The following SRD5A2 variants were observed in gnomAD, a reference collection of about 807,000 sequenced individuals.
SRD5A2 encodes steroid 5 alpha-reductase 2.
A neutral mutation model predicts 27.4 loss-of-function variants in SRD5A2; 30 were observed. That is an observed-to-expected ratio of 1.10 (90% CI 0.82 to 1.49). The LOEUF is 1.49. SRD5A2 is among the 40% of genes most tolerant of loss of function. The probability of loss-of-function intolerance (pLI) is 0.00; values close to 1 mark genes in which losing one functional copy is unlikely to be tolerated. For missense variants in SRD5A2, 348 were observed against 323.4 expected (o/e 1.08, Z -0.58); for synonymous variants, 141 against 133.6 (o/e 1.06, Z -0.38).
intron 1 of SRD5A2, among the ~76,000 whole-genome samples, chr2:31,575,688 G>A (rs550388574): frequency 2.0e-5 from 3 of 152,246 alleles, no homozygotes; most frequent in South Asian, 2.1e-4. Flanking sequence ...ATATCTCTCC[G>A]AATTCAAACA....
chr2:31,599,298 T>C, the SRD5A2 span, among the ~76,000 whole-genome samples: 5 of 152,034 alleles, frequency 3.3e-5, no homozygotes, highest in Non-Finnish European at 7.4e-5. Context: ...ATCTACACTA[T>C]AGACCAAAAG....
chr2:31,564,917 A>C (rs1190674385), intron 1 of SRD5A2, among the ~76,000 whole-genome samples: 1 of 152,010 alleles, frequency 6.6e-6, no homozygotes, highest in Non-Finnish European at 1.5e-5. Flanking sequence ...AAAAGCATCA[A>C]ATATGGCAAC....
chr2:31,547,756 G>A (rs937239574), intron 1 of SRD5A2, among the ~76,000 whole-genome samples: 2 of 152,126 alleles, frequency 1.3e-5, no homozygotes, highest in African/African-American at 4.8e-5. Flanking sequence ...AGCTTCCCTG[G>A]CACTCCAGCT....
At chr2:31,554,924 C>CGTGTGT (rs59697517) in intron 1 of SRD5A2, among the ~76,000 whole-genome samples, 1,728 of 132,168 alleles carry the variant, frequency 0.013, 35 homozygotes, top group African/African-American at 0.033. Flanking sequence ...CTATCCTGAT[C>CGTGTGT]GTGTGTGTGT....
chr2:31,548,048 A>T (rs1054074700), intron 1 of SRD5A2, among the ~76,000 whole-genome samples: 2 of 152,156 alleles, frequency 1.3e-5, no homozygotes, highest in African/African-American at 4.8e-5. Context: ...CCATATGCAA[A>T]ATAAATAAAT....
chr2:31,535,847 G>C (rs1666016038), intron 1 of SRD5A2, among the ~76,000 whole-genome samples: 1 of 152,194 alleles, frequency 6.6e-6, no homozygotes, highest in Non-Finnish European at 1.5e-5. Context: ...TCCCCAGAGG[G>C]AAAAAGAACA....
chr2:31,651,947 C>G, the SRD5A2 span: 1 of 152,816 alleles, frequency 6.5e-6, no homozygotes, highest in African/African-American at 2.4e-5. Flanking sequence ...CCCTAGCCAG[C>G]AGCCCCCACC....
intron 1 of SRD5A2, among the ~76,000 whole-genome samples, chr2:31,542,227 T>C (rs1666143579): frequency 6.6e-6 from 1 of 152,220 alleles, no homozygotes; most frequent in Non-Finnish European, 1.5e-5. Context: ...GAAGTGATTA[T>C]TATGCACTGC....
At chr2:31,564,035 T>C (rs1378874302) in intron 1 of SRD5A2, among the ~76,000 whole-genome samples, 1 of 151,908 alleles carries the variant, frequency 6.6e-6, no homozygotes, top group East Asian at 1.9e-4. Flanking sequence ...TTTCTGACCC[T>C]CCAATCAAAG....
the SRD5A2 span, among the ~76,000 whole-genome samples, chr2:31,657,829 C>T: frequency 1.3e-5 from 2 of 151,990 alleles, no homozygotes; most frequent in African/African-American, 4.8e-5. Flanking sequence ...CAACCACAAT[C>T]CTGTGGGTGT....
At chr2:31,617,446 T>C in the SRD5A2 span, among the ~76,000 whole-genome samples, 3 of 152,206 alleles carry the variant, frequency 2.0e-5, no homozygotes, top group Non-Finnish European at 4.4e-5. Context: ...CCCATTGTCT[T>C]GGAGATTAAC....
intron 1 of SRD5A2, among the ~76,000 whole-genome samples, chr2:31,577,745 C>G (rs1224137554): frequency 1.3e-5 from 2 of 152,134 alleles, no homozygotes; most frequent in East Asian, 3.9e-4. Context: ...TTCCTTAATG[C>G]ACCCTCAGTA....
At position 31,554,922 on chromosome 2, in the gene SRD5A2, A is replaced by G. The variant is rs1202184434; in HGVS notation, c.282-21156T>C. On this transcript the variant is annotated intron_variant, in intron 1 of 4. Coordinates refer to ENST00000622030, the MANE Select transcript of SRD5A2 (RefSeq NM_000348.4). The stretch of plus-strand genomic sequence containing the variant: ...TCCTGGTAAGATGGCCTCTATCCTG[A>G]TCGTGTGTGTGTGTGTGTGTGTGTG... Among the ~76,000 whole-genome samples, 7 of 124,940 alleles carry G rather than the reference A, an allele frequency of 5.6e-5. No individual in the cohort carries two copies. The East Asian group carries it at 1.7e-3, about 29-fold the overall frequency. 82.0% of individuals were successfully genotyped at this position (124,940 alleles called of 152,430 possible).
intron 1 of SRD5A2, among the ~76,000 whole-genome samples, chr2:31,541,306 G>C (rs1666123461): frequency 6.6e-6 from 1 of 150,718 alleles, no homozygotes; most frequent in Non-Finnish European, 1.5e-5. Context: ...GCATCCCAGA[G>C]TTACCACATC....
At chr2:31,611,781 C>T in the SRD5A2 span, among the ~76,000 whole-genome samples, 1 of 152,016 alleles carries the variant, frequency 6.6e-6, no homozygotes, top group Non-Finnish European at 1.5e-5. Flanking sequence ...TAGACATCTA[C>T]CCTAAGACCC....
the SRD5A2 span, among the ~76,000 whole-genome samples, chr2:31,660,726 T>TCAAGCATAAAATAA: frequency 6.6e-6 from 1 of 152,194 alleles, no homozygotes; most frequent in South Asian, 2.1e-4. Context: ...TGTATGAGGT[T>TCAAGCATAAAATAA]TATTCACTAT....
chr2:31,660,608 C>T, the SRD5A2 span, among the ~76,000 whole-genome samples: 1 of 151,668 alleles, frequency 6.6e-6, no homozygotes, highest in Non-Finnish European at 1.5e-5. Context: ...TAACGGGGGA[C>T]ACTATGCACA....
At chr2:31,567,821 G>C (rs745811718) in intron 1 of SRD5A2, among the ~76,000 whole-genome samples, 8 of 152,160 alleles carry the variant, frequency 5.3e-5, no homozygotes, top group Non-Finnish European at 7.3e-5. Context: ...TTCTGCCTGA[G>C]TATTGCTCAT....
At chr2:31,600,932 A>C in the SRD5A2 span, among the ~76,000 whole-genome samples, 2 of 151,904 alleles carry the variant, frequency 1.3e-5, no homozygotes, top group Non-Finnish European at 2.9e-5. Context: ...TTATATCTAC[A>C]GAATGAAGGA....
Sources: gnomAD v4.1 joint callset for allele counts (sites outside exome capture counted in the v4.1 genomes callset) on GRCh38, gnomAD v4.1.1 for gene constraint, MANE v1.5 for transcripts, NCBI Gene and HGNC (gene_info 2026-07-23, HGNC 2026-07-21) for gene names.